Variants in CYFIP1 observed in about 807,000 individuals in gnomAD.
CYFIP1 encodes cytoplasmic FMR1-interacting protein 1.
Under a neutral mutation model 163.5 loss-of-function variants are expected in CYFIP1, and 58 were observed. The ratio of observed to expected loss-of-function variants is 0.35; its 90% CI spans 0.29 to 0.44. The LOEUF is 0.44. Ranked by LOEUF, CYFIP1 falls within the 20% of genes least tolerant of loss-of-function variation. The pLI, the probability that CYFIP1 is intolerant of heterozygous loss-of-function variation, is 1.00. For missense variants in CYFIP1, 1,338 were observed against 1,653.8 expected (o/e 0.81, Z 3.31); for synonymous variants, 663 against 660.7 (o/e 1.00, Z -0.05).
rs780379441 is a variant in CYFIP1, at chr15:22,910,791, A to T, written c.2105T>A (p.Phe702Tyr). Residue 702 changes from phenylalanine (F) to tyrosine (Y), a missense_variant, in exon 19 of 31, where the codon TTT (phenylalanine) becomes TAT (tyrosine). Physicochemically the swap from Phe to Tyr is conservative, Grantham distance 22. This residue lies in a region of CYFIP1 where 824 missense variants were observed against 995.7 expected (regional missense o/e 0.83). Transcript: ENST00000617928. Reference protein sequence around the residue: ...EAEVNLCFDQFVYKLADQIFA... With the variant: ...EAEVNLCFDQYVYKLADQIFA... ...TATCTGGTCTGCTAGCTTGTAAACA[A>T]ATTGGTCAAAACATAGATTCACCTG... 8 of 1,613,992 alleles carry T rather than the reference A, an allele frequency of 5.0e-6. No individual in the cohort carries two copies. Among genetic ancestry groups the T allele is most frequent in the Non-Finnish European group, 6.8e-6 (8 of 1,179,846 alleles).
rs960265634 is a variant in CYFIP1, at chr15:22,958,350, T to A, written c.-6-11059A>T. Among the ~76,000 whole-genome samples, 3 of 152,198 alleles carry A rather than the reference T, an allele frequency of 2.0e-5. 1 individual carries two copies. Among genetic ancestry groups the A allele is most frequent in the African/African-American group, 7.2e-5 (3 of 41,438 alleles). On this transcript the variant is annotated intron_variant, in intron 1 of 30. Coordinates refer to ENST00000617928, the MANE Select transcript of CYFIP1 (RefSeq NM_014608.6). Reference sequence around the variant, plus strand: ...ATCTGCCTGCCTCGGCCTCTCCAAGTGCTGGGATTACAGGTGTGAGGTAAT... The same window carrying A: ...ATCTGCCTGCCTCGGCCTCTCCAAGAGCTGGGATTACAGGTGTGAGGTAAT...
chr15:22,929,784 A>T (rs111369394), intron 11 of CYFIP1, among the ~76,000 whole-genome samples: 38,595 of 149,790 alleles, frequency 0.26, 5,785 homozygotes, highest in Middle Eastern at 0.39. Context: ...AAATACAAAA[A>T]AATTAGCCGG....
intron 16 of CYFIP1, among the ~76,000 whole-genome samples, chr15:22,915,306 T>C (rs766390359): frequency 2.0e-5 from 3 of 151,992 alleles, no homozygotes; most frequent in Non-Finnish European, 1.5e-5. Context: ...GTATTTTTTA[T>C]AGAGATGGGG....
At chr15:22,901,155 A>T (rs1442611735) in intron 22 of CYFIP1, among the ~76,000 whole-genome samples, 1 of 151,800 alleles carries the variant, frequency 6.6e-6, no homozygotes, top group East Asian at 1.9e-4. Flanking sequence ...ATGAGCCAAG[A>T]TCACACCACT....
chr15:22,868,649 G>GTT lies in CYFIP1; in HGVS notation c.*1377_*1378dup, dbSNP rs1469197413. The GTT allele has an allele frequency of 2.0e-5, 3 of 150,196 alleles. No homozygotes were observed. Among genetic ancestry groups the GTT allele is most frequent in the African/African-American group, 7.6e-5 (3 of 39,710 alleles). The allele number at this position is 150,196 out of a possible 1,614,324, so 9.3% of individuals were successfully genotyped here. ...GTTAGGCTTCATGTCACTTGAGTGA[G>GTT]TTTGGCAGTGTAACAGGATGGTTCG... On this transcript the variant is annotated 3_prime_UTR_variant, in exon 31 of 31. Coordinates refer to ENST00000617928, the MANE Select transcript of CYFIP1 (RefSeq NM_014608.6).
chr15:22,914,129 C>T (rs569286557), intron 17 of CYFIP1, among the ~76,000 whole-genome samples: 9 of 152,320 alleles, frequency 5.9e-5, no homozygotes, highest in Admixed American at 5.2e-4. Context: ...TACTTCCTTT[C>T]CCCACTTCAT....
chr15:22,951,899 G>A (rs77015678), intron 1 of CYFIP1, among the ~76,000 whole-genome samples: 1 of 150,610 alleles, frequency 6.6e-6, no homozygotes, highest in Non-Finnish European at 1.5e-5. Flanking sequence ...AACGCCAGAT[G>A]CGCAGCTTGT....
At chr15:22,891,648 C>A (rs1233151455) in intron 23 of CYFIP1, among the ~76,000 whole-genome samples, 1 of 152,168 alleles carries the variant, frequency 6.6e-6, no homozygotes, top group Non-Finnish European at 1.5e-5. Context: ...AGACGGGCAG[C>A]GTATGCCGAG....
Position 22,939,240 on chromosome 15 carries a change from G to A in CYFIP1, c.747C>T (p.Tyr249=), listed in dbSNP as rs764436554. The part of the protein sequence containing the change: ...ADIVNLCVDY[Y]ENRMYLTPSE... Reference sequence around the variant, plus strand: ...TGGGCGTCAAATACATCCTGTTCTCGTAGTAATCCACACACAGATTCACAA... The same window carrying A: ...TGGGCGTCAAATACATCCTGTTCTCATAGTAATCCACACACAGATTCACAA... The change falls in exon 8 of 31, where the codon TAC becomes TAT. Residue 249 remains tyrosine (Y), a synonymous_variant. Transcript: ENST00000617928. The A allele has an allele frequency of 2.0e-5, 32 of 1,614,050 alleles. No individual in the cohort carries two copies. Among genetic ancestry groups the A allele is most frequent in the African/African-American group, 4.0e-5 (3 of 74,920 alleles).
At chr15:22,921,718 A>G (rs2061185051) in intron 13 of CYFIP1, among the ~76,000 whole-genome samples, 1 of 139,022 alleles carries the variant, frequency 7.2e-6, no homozygotes, top group African/African-American at 2.7e-5. Context: ...GTAAGCTGAG[A>G]TTGTGCCACT....
Position 22,964,408 on chromosome 15 carries a change from C to A in CYFIP1, c.-7+15879G>T, listed in dbSNP as rs868019293. ...ACACACACACACACACACACACACA[C>A]CCGGCAGCCCTGCCAGCAGACTCCG... is the stretch of plus-strand genomic sequence containing the variant. On this transcript the variant is annotated intron_variant, in intron 1 of 30. Coordinates refer to ENST00000617928, the MANE Select transcript of CYFIP1 (RefSeq NM_014608.6). 4.7e-5 allele frequency among the ~76,000 whole-genome samples: 7 copies of A among 148,520 alleles called. No homozygotes were observed. In the South Asian group the frequency reaches 1.5e-3, roughly 33 times the overall value.
chr15:22,923,758 C>T (rs752244031), intron 13 of CYFIP1, among the ~76,000 whole-genome samples: 4 of 151,896 alleles, frequency 2.6e-5, no homozygotes, highest in African/African-American at 4.8e-5. Flanking sequence ...GACTAGGCAA[C>T]ACAGTGAGAC....
chr15:22,935,852 C>T (rs540012065), intron 9 of CYFIP1, among the ~76,000 whole-genome samples: 1 of 152,306 alleles, frequency 6.6e-6, no homozygotes, highest in East Asian at 1.9e-4. Flanking sequence ...CATCATTTCA[C>T]AATGTGTATG....
chr15:22,883,802 A>G (rs1435671656), intron 23 of CYFIP1, among the ~76,000 whole-genome samples: 7 of 140,598 alleles, frequency 5.0e-5, no homozygotes, highest in East Asian at 4.2e-4. Flanking sequence ...GGGTGACAGA[A>G]CGAGACTTCA....
rs58565266 is a variant in CYFIP1 at position 22,908,518 on chromosome 15, C to CTTTTTTTTTTTTTT, written c.2388+662_2388+675dup. ...CTCTTGGTCCCTAAAGAAGATATTTCTTTTTTTTTTTTTTTTTTTTTTTTT... is the reference window on the plus strand; with the variant it reads ...CTCTTGGTCCCTAAAGAAGATATTTCTTTTTTTTTTTTTTTTTTTTTTTTTTTTTTTTTTTTTTT... On this transcript the variant is annotated intron_variant, in intron 21 of 30. Transcript: ENST00000617928. Among the ~76,000 whole-genome samples the CTTTTTTTTTTTTTT allele has an allele frequency of 1.9e-4, 14 of 75,490 alleles. 2 individuals are homozygous for CTTTTTTTTTTTTTT. Among genetic ancestry groups the CTTTTTTTTTTTTTT allele is most frequent in the African/African-American group, 7.8e-4 (13 of 16,768 alleles). 49.5% of individuals were successfully genotyped at this position (75,490 alleles called of 152,430 possible). A position where few individuals can be genotyped will look rare whatever the true frequency, so the allele number is the denominator to read the frequency against.
intron 6 of CYFIP1, 49 bp from the exon 7 acceptor site, chr15:22,939,556 TTAAAAAAAAAA>T (rs1393911343): frequency 9.7e-5 from 40 of 410,814 alleles, no homozygotes; most frequent in Middle Eastern, 8.9e-4. Flanking sequence ...CGTGCCACAT[TTAAAAAAAAAA>T]AAAAAAAAAA....
At position 22,894,786 on chromosome 15, in the gene CYFIP1, TACATA is replaced by T. The variant is rs897492402; in HGVS notation, c.2589-1814_2589-1810del. On this transcript the variant is annotated intron_variant, in intron 22 of 30. Transcript: ENST00000617928. ...TTTTAATCAAAATACATATATATGA[TACATA>T]ACATAATACATGTATTTATTCTATA... 9.2e-4 allele frequency among the ~76,000 whole-genome samples: 136 copies of T among 148,368 alleles called. 1 individual carries two copies. The highest frequency in any genetic ancestry group is 2.5e-3 in the African/African-American group (104 of 40,898).
At chr15:22,923,994 T>C (rs1376859439) in intron 13 of CYFIP1, among the ~76,000 whole-genome samples, 4 of 136,340 alleles carry the variant, frequency 2.9e-5, no homozygotes, top group Non-Finnish European at 6.3e-5. Flanking sequence ...AGCAACTTCA[T>C]AGTAGTGAAA....
intron 1 of CYFIP1, among the ~76,000 whole-genome samples, chr15:22,975,897 TTTTG>T (rs1453973019): frequency 1.3e-5 from 2 of 152,124 alleles, no homozygotes; most frequent in African/African-American, 4.8e-5. Context: ...TAAACAAAAT[TTTTG>T]TTTAAAATTT....
Sources: gnomAD v4.1 joint callset for allele counts (sites outside exome capture counted in the v4.1 genomes callset) on GRCh38, gnomAD v4.1.1 for gene constraint, gnomAD v4.1.1 regional missense constraint, MANE v1.5 for transcripts, NCBI Gene and HGNC (gene_info 2026-07-23, HGNC 2026-07-21) for gene names.